Variants in DLGAP1 observed in about 807,000 individuals in gnomAD.
DLGAP1 encodes DLG associated protein 1, also known as disks large-associated protein 1.
DLGAP1 carries 11 observed loss-of-function variants against 90.8 expected under a neutral mutation model. That is an observed-to-expected ratio of 0.12 (90% CI 0.08 to 0.20). The LOEUF (loss-of-function observed/expected upper bound fraction) is 0.20, where lower values mean the gene tolerates loss of function less well. Among genes scored for constraint, DLGAP1 ranks in the 10% least tolerant of loss-of-function variants. The pLI is 1.00. For missense variants in DLGAP1, 1,050 were observed against 1,333.8 expected, an observed-to-expected ratio of 0.79 and a Z score of 3.31; for synonymous variants, 558 against 540.7, an observed-to-expected ratio of 1.03 and a Z score of -0.44.
rs550087474 is a variant in DLGAP1 at position 3,927,863 on chromosome 18, T to A, written c.-72-47723A>T. 3.3e-5 allele frequency among the ~76,000 whole-genome samples: 5 copies of A among 152,338 alleles called. No individual in the cohort carries two copies. In the East Asian group the frequency reaches 9.6e-4, roughly 29 times the overall value. On this transcript the variant is annotated intron_variant, in intron 3 of 12. Transcript: ENST00000315677. ...GTTCCCAAGGAGCATGAATGTTTTTTAAAAATGTCGAGTGATTTAGATTTC... is the reference window on the plus strand; with the variant it reads ...GTTCCCAAGGAGCATGAATGTTTTTAAAAAATGTCGAGTGATTTAGATTTC...
At chr18:3,592,808 C>A (rs1162024730) in intron 7 of DLGAP1, among the ~76,000 whole-genome samples, 1 of 116,786 alleles carries the variant, frequency 8.6e-6, no homozygotes, top group Non-Finnish European at 1.6e-5. Flanking sequence ...TGTGCCACTG[C>A]ACTCCAGCCT....
intron 9 of DLGAP1, among the ~76,000 whole-genome samples, chr18:3,562,232 A>AAAC (rs1295057819): frequency 1.3e-5 from 2 of 151,896 alleles, no homozygotes; most frequent in East Asian, 3.9e-4. Context: ...CCGTCTCAAA[A>AAAC]AATAATAATA....
intron 1 of DLGAP1, among the ~76,000 whole-genome samples, chr18:4,174,712 G>A (rs770592459): frequency 2.0e-5 from 3 of 152,098 alleles, no homozygotes; most frequent in African/African-American, 7.2e-5. Flanking sequence ...AGGTATACAC[G>A]TGCCATGATG....
intron 2 of DLGAP1, among the ~76,000 whole-genome samples, chr18:4,106,658 G>A (rs1043852656): frequency 1.3e-5 from 2 of 152,234 alleles, no homozygotes; most frequent in African/African-American, 4.8e-5. Flanking sequence ...GGCGCTGCCT[G>A]TCTTCTCAGA....
At chr18:3,705,156 C>T (rs903485567) in intron 7 of DLGAP1, among the ~76,000 whole-genome samples, 9 of 152,184 alleles carry the variant, frequency 5.9e-5, no homozygotes, top group African/African-American at 2.2e-4. Context: ...TTTGGTAGGG[C>T]TATTTAAATT....
chr18:4,282,921 T>C (rs2079588009), intron 1 of DLGAP1, among the ~76,000 whole-genome samples: 1 of 152,230 alleles, frequency 6.6e-6, no homozygotes, highest in Non-Finnish European at 1.5e-5. Context: ...CTCAGTCATG[T>C]CATTTTATCC....
chr18:3,978,957 A>AC (rs1301449369), intron 3 of DLGAP1, among the ~76,000 whole-genome samples: 15 of 152,156 alleles, frequency 9.9e-5, no homozygotes, highest in African/African-American at 3.6e-4. Flanking sequence ...TGGTGAAATG[A>AC]CCACATTGAG....
chr18:3,935,021 T>C (rs1599181909), intron 3 of DLGAP1, among the ~76,000 whole-genome samples: 1 of 152,244 alleles, frequency 6.6e-6, no homozygotes, highest in Admixed American at 6.5e-5. Context: ...TCTTTGGAAC[T>C]GGAACAAAAT....
At chr18:4,190,312 C>T (rs2144726660) in intron 1 of DLGAP1, among the ~76,000 whole-genome samples, 1 of 152,102 alleles carries the variant, frequency 6.6e-6, no homozygotes, top group Admixed American at 6.6e-5. Context: ...CTGGAAAAGG[C>T]AAAACTATAG....
At chr18:3,735,638 T>C (rs554039786) in intron 6 of DLGAP1, among the ~76,000 whole-genome samples, 1 of 152,280 alleles carries the variant, frequency 6.6e-6, no homozygotes, top group South Asian at 2.1e-4. Context: ...TTAGTCCAAC[T>C]CTCTGAGACT....
chr18:3,991,385 A>G (rs1470226), intron 3 of DLGAP1, among the ~76,000 whole-genome samples: 120,954 of 151,868 alleles, frequency 0.8, 49,057 homozygotes, highest in East Asian at 0.97. Flanking sequence ...TTTAAGAGAC[A>G]TGGTTGGTTC....
intron 1 of DLGAP1, among the ~76,000 whole-genome samples, chr18:4,442,692 G>GA (rs5822822): frequency 1.3e-5 from 2 of 151,856 alleles, no homozygotes; most frequent in African/African-American, 2.4e-5. Flanking sequence ...AATTTAAAAA[G>GA]AAAAAAAAGT....
In DLGAP1 at chr18:3,990,424, A is replaced by T. The variant is rs564096269; in HGVS notation, c.-73+14692T>A. On this transcript the variant is annotated intron_variant, in intron 3 of 12. Coordinates refer to ENST00000315677, the MANE Select transcript of DLGAP1 (RefSeq NM_004746.4). ...CCACATGTTCTCACTCATAGGTGGG[A>T]ATCGAACAATGAGAACACATGGACA... is the stretch of plus-strand genomic sequence containing the variant. Among the ~76,000 whole-genome samples, 26 of 149,246 alleles carry T rather than the reference A, an allele frequency of 1.7e-4. No homozygotes were observed. In the Middle Eastern group the frequency reaches 0.01, roughly 60 times the overall value.
At chr18:4,293,506 G>T (rs2079900606) in intron 1 of DLGAP1, 1 of 152,184 alleles carries the variant, frequency 6.6e-6, no homozygotes, top group Non-Finnish European at 1.5e-5. Context: ...TCCTCTCAGA[G>T]ATTTCTGTAT....
At chr18:4,021,509 C>T (rs996221566) in intron 2 of DLGAP1, among the ~76,000 whole-genome samples, 7 of 152,226 alleles carry the variant, frequency 4.6e-5, no homozygotes, top group African/African-American at 1.7e-4. Flanking sequence ...TGGTGCCATG[C>T]TTGTACAGCC....
At chr18:4,089,781 C>G (rs991604586) in intron 2 of DLGAP1, among the ~76,000 whole-genome samples, 1 of 152,218 alleles carries the variant, frequency 6.6e-6, no homozygotes, top group South Asian at 2.1e-4. Context: ...CACGGTGGCT[C>G]ACGCCTGTAG....
intron 6 of DLGAP1, among the ~76,000 whole-genome samples, chr18:3,734,028 A>G (rs1379586441): frequency 3.9e-5 from 6 of 152,208 alleles, no homozygotes; most frequent in Non-Finnish European, 8.8e-5. Flanking sequence ...TCAATTTCTC[A>G]GGTACATGGT....
At chr18:4,300,345 A>G (rs1318521620) in intron 1 of DLGAP1, among the ~76,000 whole-genome samples, 1 of 152,192 alleles carries the variant, frequency 6.6e-6, no homozygotes, top group Non-Finnish European at 1.5e-5. Flanking sequence ...TTATCTGTAG[A>G]TCGTAAAATG....
chr18:3,698,286 T>C (rs2147096440), intron 7 of DLGAP1, among the ~76,000 whole-genome samples: 1 of 152,338 alleles, frequency 6.6e-6, no homozygotes, highest in Admixed American at 6.5e-5. Flanking sequence ...GTGTCAATGG[T>C]CTTTACAATT....
Sources: gnomAD v4.1 joint callset for allele counts (sites outside exome capture counted in the v4.1 genomes callset) on GRCh38, gnomAD v4.1.1 for gene constraint, MANE v1.5 for transcripts, NCBI Gene and HGNC (gene_info 2026-07-23, HGNC 2026-07-21) for gene names.